CBLC: variants seen among roughly 807,000 people sequenced by gnomAD.
CBLC encodes Cbl proto-oncogene C.
CBLC carries 46 observed loss-of-function variants against 58.6 expected under a neutral mutation model. The observed-to-expected ratio is 0.79, with a 90% CI of 0.62 to 1.00. The LOEUF is 1.00. Ranked by LOEUF, CBLC falls within the 50% of genes least tolerant of loss-of-function variation. The pLI, the probability that CBLC is intolerant of heterozygous loss-of-function variation, is 0.00. For missense variants in CBLC, 655 were observed against 625.8 expected (o/e 1.05, Z -0.50); for synonymous variants, 271 against 264.2 (o/e 1.03, Z -0.25).
Position 44,778,122 on chromosome 19 carries a change from C to T in CBLC, c.191C>T (p.Ala64Val). The T allele has an allele frequency of 3.1e-6, 5 of 1,598,564 alleles. No individual in the cohort carries two copies. Among genetic ancestry groups the T allele is most frequent in the South Asian group, 2.2e-5 (2 of 90,452 alleles). The change falls in exon 1 of 11, where the codon GCG (alanine) becomes GTG (valine). Residue 64 changes from alanine to valine, a missense_variant. Ala to Val is a moderately conservative substitution (Grantham distance 64). Around this residue, in one of 3 missense-constraint regions of CBLC, gnomAD observed 280 missense variants for 237.2 expected, o/e 1.18. Coordinates refer to ENST00000647358, the MANE Select transcript of CBLC (RefSeq NM_012116.4). ...CGAGAGGTGGCCCATTCTCGGCGGG[C>T]GGCCGGCGGAGGCGGCCCCGGGGGT... The part of the protein sequence containing the change: ...LLREVAHSRR[A>V]AGGGGPGGPG...
intron 1 of CBLC, among the ~76,000 whole-genome samples, chr19:44,780,638 A>C (rs1967697278): frequency 6.7e-6 from 1 of 149,406 alleles, no homozygotes; most frequent in Non-Finnish European, 1.5e-5. Context: ...ACGCCAGGCT[A>C]ATTTTTGTAT....
chr19:44,784,950 GT>G (rs58171575), intron 5 of CBLC, among the ~76,000 whole-genome samples: 762 of 34,362 alleles, frequency 0.022, 37 homozygotes, highest in African/African-American at 0.06. Flanking sequence ...CTAGACAGGT[GT>G]TTTTTTTTTT....
At chr19:44,784,890 C>T (rs547656265) in intron 5 of CBLC, among the ~76,000 whole-genome samples, 32 of 145,328 alleles carry the variant, frequency 2.2e-4, no homozygotes, top group Non-Finnish European at 4.3e-4. Context: ...GATATGAGAT[C>T]CTGCTCTAGA....
chr19:44,797,574 C>CTTTTTTTTTTTTTT (rs763685561), intron 9 of CBLC, among the ~76,000 whole-genome samples: 1 of 133,214 alleles, frequency 7.5e-6, no homozygotes. Flanking sequence ...CCTGGCATTG[C>CTTTTTTTTTTTTTT]TTTTTTTTTT....
chr19:44,780,549 T>C (rs998913664), intron 1 of CBLC, among the ~76,000 whole-genome samples: 59 of 148,698 alleles, frequency 4.0e-4, no homozygotes, highest in African/African-American at 1.4e-3. Context: ...CTCAGCTCAC[T>C]GCTACCTCTG....
chr19:44,795,020 TA>T (rs1313465033), intron 9 of CBLC, among the ~76,000 whole-genome samples: 2 of 149,844 alleles, frequency 1.3e-5, no homozygotes, highest in Non-Finnish European at 3.0e-5. Flanking sequence ...TGCAGTGGCA[TA>T]ATCTCGGCTC....
At position 44,798,629 on chromosome 19, in the gene CBLC, C is replaced by T. The variant is rs186112777; in HGVS notation, c.1363-1752C>T. ...ACTCGGGAGGCTGAGGTAGGAGAAT[C>T]GCTTGATTCTCGCTTGATTATCGCT... is the stretch of plus-strand genomic sequence containing the variant. On this transcript the variant is annotated intron_variant, in intron 9 of 10. Coordinates refer to ENST00000647358, the MANE Select transcript of CBLC (RefSeq NM_012116.4). Among the ~76,000 whole-genome samples the T allele has an allele frequency of 9.4e-4, 143 of 152,144 alleles. 1 individual carries two copies. The highest frequency in any genetic ancestry group is 6.8e-3 in the Middle Eastern group (2 of 292).
rs200565443 is a variant in CBLC, at chr19:44,781,091, T to G, written c.500+40T>G. The G allele has an allele frequency of 3.3e-3, 5,341 of 1,595,158 alleles. 13 individuals are homozygous for G. Among genetic ancestry groups the G allele is most frequent in the Non-Finnish European group, 4.1e-3 (4,821 of 1,169,976 alleles). On this transcript the variant is annotated intron_variant, in intron 2 of 10. Coordinates refer to ENST00000647358, the MANE Select transcript of CBLC (RefSeq NM_012116.4). ...GTCCTCAGCTCCCGGAGCCCCATCC[T>G]GCCCTGGCCCAGGGACCCAGGGGTC...
intron 5 of CBLC, among the ~76,000 whole-genome samples, chr19:44,784,748 A>G (rs1156957868): frequency 1.3e-5 from 2 of 152,080 alleles, no homozygotes; most frequent in East Asian, 3.9e-4. Context: ...TTTTTAAAAA[A>G]TGAGATGGGG....
chr19:44,792,487 C>T lies in CBLC; in HGVS notation c.1110C>T (p.Leu370=). 2 of 1,606,346 alleles carry T rather than the reference C, an allele frequency of 1.2e-6. No individual in the cohort carries two copies. Among genetic ancestry groups the T allele is most frequent in the East Asian group, 2.3e-5 (1 of 44,406 alleles). The change falls in exon 7 of 11, where the codon CTC becomes CTT. Residue 370 remains leucine, a synonymous_variant. Transcript: ENST00000647358. The part of the protein sequence containing the change: ...DVKIEPCGHL[L]CSCCLAAWQH... ...AGATTGAGCCGTGCGGGCACCTGCT[C>T]TGCAGCTGCTGCCTGGCTGCCTGGC...
rs1968110799 is a variant in CBLC, at chr19:44,793,629, G to A, written c.1284+9G>A. The A allele has an allele frequency of 1.9e-6, 3 of 1,583,210 alleles. No individual in the cohort carries two copies. The highest frequency in any genetic ancestry group is 2.6e-6 in the Non-Finnish European group (3 of 1,169,364). ...AGTTGGAGCTGGGGCAGGTGAGCAG[G>A]GCCAGCCGGGAGCTGGAATCCAAAT... On this transcript the variant is annotated intron_variant, in intron 8 of 10. Coordinates refer to ENST00000647358, the MANE Select transcript of CBLC (RefSeq NM_012116.4).
At position 44,777,951 on chromosome 19, in the gene CBLC, C is replaced by T; in HGVS notation, c.20C>T (p.Pro7Leu). The T allele has an allele frequency of 6.3e-7, 1 of 1,598,220 alleles. No individual in the cohort carries two copies. The highest frequency in any genetic ancestry group is 8.5e-7 in the Non-Finnish European group (1 of 1,175,544). Residue 7 changes from proline to leucine, a missense_variant, in exon 1 of 11, where the codon CCG becomes CTG. Coordinates refer to ENST00000647358, the MANE Select transcript of CBLC (RefSeq NM_012116.4). Reference sequence around the variant, plus strand: ...GCTCCCATGGCTCTGGCGGTGGCCCCGTGGGGGCGACAGTGGGAAGAGGCC... The same window carrying T: ...GCTCCCATGGCTCTGGCGGTGGCCCTGTGGGGGCGACAGTGGGAAGAGGCC... MALAVA[P>L]WGRQWEEARA...
At chr19:44,794,357 CAG>C in intron 9 of CBLC, 76 bp downstream of exon 9, 12 of 1,372,100 alleles carry the variant, frequency 8.7e-6, no homozygotes, top group East Asian at 2.4e-5. Flanking sequence ...CCTGTGCACT[CAG>C]GGGTGCCAGG....
At position 44,791,133 on chromosome 19, in the gene CBLC, AAAAG is replaced by A. The variant is rs550167833; in HGVS notation, c.1005+1054_1005+1057del. 3.6e-4 allele frequency among the ~76,000 whole-genome samples: 54 copies of A among 151,882 alleles called. No individual in the cohort carries two copies. In the East Asian group the frequency reaches 7.2e-3, roughly 20 times the overall value. On this transcript the variant is annotated intron_variant, in intron 6 of 10. Transcript: ENST00000647358. ...GACTTGGTCTCAAGAAAGAAAAAAA[AAAAG>A]AAAGAAAGAAATTCAAATTTAGGTT... is the stretch of plus-strand genomic sequence containing the variant.
Position 44,792,657 on chromosome 19 carries a change from G to A in CBLC, c.1137+143G>A, listed in dbSNP as rs1262471081. On this transcript the variant is annotated intron_variant, in intron 7 of 10. Transcript: ENST00000647358. The stretch of plus-strand genomic sequence containing the variant: ...AAGAGCTGATGGCAACCACTCAGGA[G>A]CCCGGCTGTCTTTCCCAGGGCCTCT... 7 of 773,710 alleles carry A rather than the reference G, an allele frequency of 9.0e-6. No individual in the cohort carries two copies. In the Admixed American group the frequency reaches 2.4e-4, roughly 27 times the overall value. 47.9% of individuals were successfully genotyped at this position (773,710 alleles called of 1,614,324 possible). A position where few individuals can be genotyped will look rare whatever the true frequency, so the allele number is the denominator to read the frequency against.
chr19:44,795,158 A>T (rs1288614454), intron 9 of CBLC, among the ~76,000 whole-genome samples: 1 of 151,690 alleles, frequency 6.6e-6, no homozygotes, highest in Admixed American at 6.6e-5. Flanking sequence ...AGGTTTTGCC[A>T]CATTGGCCAG....
rs1967620512 is a variant in CBLC at position 44,778,157 on chromosome 19, T to C, written c.226T>C (p.Ser76Pro). The C allele has an allele frequency of 1.7e-5, 27 of 1,569,702 alleles. No individual in the cohort carries two copies. The highest frequency in any genetic ancestry group is 2.3e-5 in the Non-Finnish European group (27 of 1,162,264). ...AGGCGGCCCCGGGGGTCCCGGCGGC[T>C]CTGGGGACTTTCTACTCATCTACCT... ...GGGGPGGPGG[S>P]GDFLLIYLAN... Residue 76 changes from serine (S) to proline (P), a missense_variant, in exon 1 of 11, where the codon TCT becomes CCT. Around this residue, in one of 3 missense-constraint regions of CBLC, gnomAD observed 280 missense variants for 237.2 expected, o/e 1.18. Coordinates refer to ENST00000647358, the MANE Select transcript of CBLC (RefSeq NM_012116.4).
rs747946824 is a variant in CBLC at position 44,777,952 on chromosome 19, G to T, written c.21G>T (p.Pro7=). The change falls in exon 1 of 11, where the codon CCG becomes CCT. Residue 7 remains proline (P), a synonymous_variant. Coordinates refer to ENST00000647358, the MANE Select transcript of CBLC (RefSeq NM_012116.4). MALAVA[P]WGRQWEEARA... ...CTCCCATGGCTCTGGCGGTGGCCCCGTGGGGGCGACAGTGGGAAGAGGCCC... is the reference window on the plus strand; with the variant it reads ...CTCCCATGGCTCTGGCGGTGGCCCCTTGGGGGCGACAGTGGGAAGAGGCCC... The T allele has an allele frequency of 1.3e-6, 2 of 1,598,572 alleles. No homozygotes were observed. The highest frequency in any genetic ancestry group is 1.7e-6 in the Non-Finnish European group (2 of 1,175,636).
intron 5 of CBLC, among the ~76,000 whole-genome samples, chr19:44,788,275 A>G (rs1464324219): frequency 1.3e-5 from 2 of 149,806 alleles, no homozygotes; most frequent in Admixed American, 1.3e-4. Context: ...ACATGCCACC[A>G]TGCCCAGCTA....
Sources: allele counts gnomAD v4.1 joint callset (sites outside exome capture counted in the v4.1 genomes callset), GRCh38; gene constraint gnomAD v4.1.1; regional missense constraint gnomAD v4.1.1; transcripts MANE v1.5; gene names NCBI Gene and HGNC (gene_info 2026-07-23, HGNC 2026-07-21).